Variants in PPP4R2 observed in about 807,000 individuals in gnomAD.
The protein encoded by PPP4R2 is protein phosphatase 4 regulatory subunit 2, also known as serine/threonine-protein phosphatase 4 regulatory subunit 2.
In PPP4R2, 13 loss-of-function variants were observed where a neutral mutation model predicts 47.2. The observed-to-expected ratio is 0.28, with a 90% confidence interval of 0.18 to 0.44. The LOEUF (loss-of-function observed/expected upper bound fraction) is 0.44, where lower values mean the gene tolerates loss of function less well. Ranked by LOEUF, PPP4R2 falls within the 20% of genes least tolerant of loss-of-function variation. PPP4R2 has a pLI of 1.00. For missense variants in PPP4R2, 421 were observed against 491.2 expected (o/e 0.86, Z 1.35); for synonymous variants, 151 against 163.3 (o/e 0.92, Z 0.57).
intron 2 of PPP4R2, among the ~76,000 whole-genome samples, chr3:73,038,402 G>A (rs1413684989): frequency 1.3e-5 from 2 of 151,462 alleles, no homozygotes; most frequent in Non-Finnish European, 2.9e-5. Flanking sequence ...TGGAGATGGA[G>A]TCTCACTCTG....
chr3:73,049,215 G>C (rs892015723), intron 3 of PPP4R2, among the ~76,000 whole-genome samples: 1 of 152,012 alleles, frequency 6.6e-6, no homozygotes, highest in African/African-American at 2.4e-5. Flanking sequence ...AATACTTCTC[G>C]GGGCCAGGTG....
intron 2 of PPP4R2, among the ~76,000 whole-genome samples, chr3:73,033,997 C>A (rs1231184857): frequency 6.6e-6 from 1 of 152,178 alleles, no homozygotes; most frequent in Non-Finnish European, 1.5e-5. Context: ...ACAATGGCCG[C>A]GCCATTTTAC....
chr3:73,033,412 A>C (rs1408837447), intron 2 of PPP4R2, among the ~76,000 whole-genome samples: 1 of 152,038 alleles, frequency 6.6e-6, no homozygotes, highest in African/African-American at 2.4e-5. Context: ...TTGCTGTGAG[A>C]CTATTTGTCA....
chr3:73,056,300 GTGT>G lies in PPP4R2; in HGVS notation c.288-2732_288-2730del, dbSNP rs549727074. Among the ~76,000 whole-genome samples, 612 of 152,150 alleles carry G rather than the reference GTGT, an allele frequency of 4.0e-3. 5 individuals are homozygous for G. Among genetic ancestry groups the G allele is most frequent in the African/African-American group, 0.014 (561 of 41,520 alleles). On this transcript the variant is annotated intron_variant, in intron 3 of 8. Coordinates refer to ENST00000356692, the MANE Select transcript of PPP4R2 (RefSeq NM_174907.4). ...CTGTCTCCATGGCACTTTTTATACAGTGTTGTTATTTATTACTGTAATTGTAAT... is the reference window on the plus strand; with the variant it reads ...CTGTCTCCATGGCACTTTTTATACAGTGTTATTTATTACTGTAATTGTAAT...
chr3:73,015,188 A>G (rs1701798665), intron 2 of PPP4R2, among the ~76,000 whole-genome samples: 3 of 152,086 alleles, frequency 2.0e-5, no homozygotes, highest in African/African-American at 2.4e-5. Flanking sequence ...GCTCTCTGCT[A>G]TCTTTTTTTG....
chr3:72,996,864 C>G lies in PPP4R2; in HGVS notation c.-174C>G, dbSNP rs955838929. On this transcript the variant is annotated 5_prime_UTR_variant, in exon 1 of 9. Coordinates refer to ENST00000356692, the MANE Select transcript of PPP4R2 (RefSeq NM_174907.4). ...CGGCTTGGGGAGGTGCTCGCTCTGT[C>G]GGTCTTGCTCTCTCGCACGCTTCCC... is the stretch of plus-strand genomic sequence containing the variant. 3 of 414,270 alleles carry G rather than the reference C, an allele frequency of 7.2e-6. No homozygotes were observed. Among genetic ancestry groups the G allele is most frequent in the South Asian group, 1.2e-4 (1 of 8,688 alleles). 25.7% of individuals were successfully genotyped at this position (414,270 alleles called of 1,614,324 possible).
At chr3:73,023,703 T>G (rs1178902754) in intron 2 of PPP4R2, among the ~76,000 whole-genome samples, 1 of 152,208 alleles carries the variant, frequency 6.6e-6, no homozygotes, top group Non-Finnish European at 1.5e-5. Flanking sequence ...GCATATTAAT[T>G]TAGAATATAC....
At chr3:73,063,881 TA>T in intron 6 of PPP4R2, 121 bp from the exon 7 acceptor site, 1 of 1,143,078 alleles carries the variant, frequency 8.7e-7, no homozygotes, top group Non-Finnish European at 1.3e-6. Context: ...GTTAATTTGG[TA>T]AGGCATGGGC....
At chr3:73,022,596 A>G (rs1701982685) in intron 2 of PPP4R2, among the ~76,000 whole-genome samples, 2 of 152,148 alleles carry the variant, frequency 1.3e-5, no homozygotes, top group African/African-American at 4.8e-5. Context: ...AAAGATTTTG[A>G]CACAATTACA....
intron 2 of PPP4R2, among the ~76,000 whole-genome samples, chr3:73,026,535 T>TTA (rs1047675498): frequency 1.8e-4 from 28 of 152,322 alleles, no homozygotes; most frequent in Admixed American, 5.9e-4. Context: ...ATTCTTTATA[T>TTA]ATCTTTTCTT....
chr3:72,997,309 ACT>A (rs1039672647), intron 1 of PPP4R2: 5 of 396,002 alleles, frequency 1.3e-5, no homozygotes, highest in South Asian at 1.4e-4. Flanking sequence ...AGCCGGGGAA[ACT>A]CTTGCGGGGG....
At chr3:73,057,505 T>C (rs1171445456) in intron 3 of PPP4R2, among the ~76,000 whole-genome samples, 1 of 152,164 alleles carries the variant, frequency 6.6e-6, no homozygotes, top group African/African-American at 2.4e-5. Context: ...TCTTTTATTC[T>C]GTGCCTTGTC....
At chr3:73,022,774 T>C (rs928231994) in intron 2 of PPP4R2, among the ~76,000 whole-genome samples, 41 of 151,426 alleles carry the variant, frequency 2.7e-4, no homozygotes, top group South Asian at 8.3e-4. Flanking sequence ...ATTTCTTTTT[T>C]TTTTTTTTTT....
chr3:73,041,735 C>T (rs1385962679), intron 2 of PPP4R2, among the ~76,000 whole-genome samples: 5 of 152,120 alleles, frequency 3.3e-5, no homozygotes, highest in Non-Finnish European at 5.9e-5. Context: ...AGAGAGTAAT[C>T]TTAGTAGAAC....
chr3:73,011,103 C>T (rs1024481475), intron 2 of PPP4R2, among the ~76,000 whole-genome samples: 3 of 152,176 alleles, frequency 2.0e-5, no homozygotes, highest in Non-Finnish European at 4.4e-5. Context: ...TTAATATATA[C>T]CATTTGCCCC....
chr3:73,059,276 A>G, intron 4 of PPP4R2, 146 bp downstream of exon 4: 1 of 543,228 alleles, frequency 1.8e-6, no homozygotes, highest in Admixed American at 3.7e-5. Context: ...TGTTTTCCAA[A>G]TTGCATTCTG....
At position 73,065,553 on chromosome 3, in the gene PPP4R2, A is replaced by C; in HGVS notation, c.1085A>C (p.Glu362Ala). The change falls in exon 9 of 9, where the codon GAA becomes GCA. Residue 362 changes from glutamate (E) to alanine (A), a missense_variant. Physicochemically the swap from Glu to Ala is moderately radical, Grantham distance 107. This residue lies in a region of PPP4R2 where 317 missense variants were observed against 287.5 expected (regional missense o/e 1.10). Coordinates refer to ENST00000356692, the MANE Select transcript of PPP4R2 (RefSeq NM_174907.4). ...SQAEKDLLHS[E>A]GSENEGPVSS... ...GCTGAGAAAGATTTGCTACATTCTG[A>C]AGGTAGTGAAAACGAAGGCCCTGTA... 1.2e-6 allele frequency: 2 copies of C among 1,612,970 alleles called. No individual in the cohort carries two copies. The highest frequency in any genetic ancestry group is 1.7e-6 in the Non-Finnish European group (2 of 1,179,680).
Position 73,066,090 on chromosome 3 carries a change from TTTGTC to T in PPP4R2, c.*375_*379del, listed in dbSNP as rs950492849. 1.3e-5 allele frequency: 2 copies of T among 153,058 alleles called. No homozygotes were observed. The highest frequency in any genetic ancestry group is 4.8e-5 in the African/African-American group (2 of 41,374). 9.5% of individuals were successfully genotyped at this position (153,058 alleles called of 1,614,324 possible). A position where few individuals can be genotyped will look rare whatever the true frequency, so the allele number is the denominator to read the frequency against. On this transcript the variant is annotated 3_prime_UTR_variant, in exon 9 of 9. Coordinates refer to ENST00000356692, the MANE Select transcript of PPP4R2 (RefSeq NM_174907.4). ...TAGTTTATACATATGCAAGAAGCTT[TTTGTC>T]TTGTCTCTTTCTGATAGCTCTAGCA... is the stretch of plus-strand genomic sequence containing the variant.
At chr3:73,053,140 T>C (rs1359135321) in intron 3 of PPP4R2, among the ~76,000 whole-genome samples, 3 of 152,230 alleles carry the variant, frequency 2.0e-5, no homozygotes, top group Non-Finnish European at 4.4e-5. Context: ...CTGGGGAAAA[T>C]AGGTTTTTGT....
Sources: allele counts gnomAD v4.1 joint callset (sites outside exome capture counted in the v4.1 genomes callset), GRCh38; gene constraint gnomAD v4.1.1; regional missense constraint gnomAD v4.1.1; transcripts MANE v1.5; gene names NCBI Gene and HGNC (gene_info 2026-07-23, HGNC 2026-07-21).